The following COX5A variants were observed in gnomAD, a reference collection of about 807,000 sequenced individuals.
The protein encoded by COX5A is cytochrome c oxidase subunit 5A.
Under a neutral mutation model 16.1 loss-of-function variants are expected in COX5A, and 6 were observed. The observed-to-expected ratio is 0.37, with a 90% CI of 0.20 to 0.73. The LOEUF is 0.73. Ranked by LOEUF, COX5A falls within the 30% of genes least tolerant of loss-of-function variation. The pLI is 0.50. For missense variants in COX5A, 159 were observed against 194.9 expected, an observed-to-expected ratio of 0.82 and a Z score of 1.10; for synonymous variants, 73 against 73.8, an observed-to-expected ratio of 0.99 and a Z score of 0.06.
chr15:74,926,799 A>C lies in COX5A; in HGVS notation c.306T>G (p.Phe102Leu). The stretch of plus-strand genomic sequence containing the variant: ...CCTCTAGGATACGAACTGTACTAGC[A>C]AAATCATTTAACCGTCTGCATGCCC... ...ALRACRRLND[F>L]ASTVRILEVV... Residue 102 changes from phenylalanine to leucine, a missense_variant, in exon 3 of 5, where the codon TTT becomes TTG. Physicochemically the swap from Phe to Leu is conservative, Grantham distance 22 (BLOSUM62 0). Transcript: ENST00000322347. 1 of 1,613,988 alleles carries C rather than the reference A, an allele frequency of 6.2e-7. No homozygotes were observed.
chr15:74,937,001 T>G (rs893196152), intron 1 of COX5A, among the ~76,000 whole-genome samples: 3 of 152,164 alleles, frequency 2.0e-5, no homozygotes, highest in African/African-American at 7.2e-5. Context: ...TAAATACGCA[T>G]GCATAGTTGC....
At chr15:74,937,815 G>A (rs573368369) in intron 1 of COX5A, 100 bp downstream of exon 1, 11 of 727,538 alleles carry the variant, frequency 1.5e-5, no homozygotes, top group South Asian at 1.4e-4. Context: ...CCAGGGTAGG[G>A]CAAGGGCTAG....
At chr15:74,935,754 G>A (rs1412669341) in intron 1 of COX5A, among the ~76,000 whole-genome samples, 2 of 151,462 alleles carry the variant, frequency 1.3e-5, no homozygotes, top group African/African-American at 4.8e-5. Context: ...CACCACACCC[G>A]GCTAATTTTT....
chr15:74,926,627 A>G (rs1289349464), intron 3 of COX5A, 139 bp downstream of exon 3: 1 of 788,638 alleles, frequency 1.3e-6, no homozygotes, highest in African/African-American at 1.8e-5. Flanking sequence ...GAAAGATTTT[A>G]ACTGCAATGT....
In COX5A at chr15:74,920,176, C is replaced by T; in HGVS notation, c.*276G>A. 1 of 526,450 alleles carries T rather than the reference C, an allele frequency of 1.9e-6. No individual in the cohort carries two copies. Among genetic ancestry groups the T allele is most frequent in the Non-Finnish European group, 3.3e-6 (1 of 306,160 alleles). 32.6% of individuals were successfully genotyped at this position (526,450 alleles called of 1,614,324 possible). A position where few individuals can be genotyped will look rare whatever the true frequency, so the allele number is the denominator to read the frequency against. On this transcript the variant is annotated 3_prime_UTR_variant, in exon 5 of 5. Coordinates refer to ENST00000322347, the MANE Select transcript of COX5A (RefSeq NM_004255.4). Reference sequence around the variant, plus strand: ...TGTCAGATGGTTTCCAGAGAATTAACACAGTTCTCTCAGCATGTAAGAGGG... The same window carrying T: ...TGTCAGATGGTTTCCAGAGAATTAATACAGTTCTCTCAGCATGTAAGAGGG...
intron 3 of COX5A, among the ~76,000 whole-genome samples, chr15:74,924,637 T>TA (rs564791773): frequency 1.5e-3 from 229 of 152,358 alleles, no homozygotes; most frequent in African/African-American, 5.3e-3. Context: ...CAGAACATCT[T>TA]AAAGTCTAGA....
At chr15:74,928,655 G>C (rs1014293859) in intron 2 of COX5A, among the ~76,000 whole-genome samples, 4 of 152,212 alleles carry the variant, frequency 2.6e-5, no homozygotes, top group Non-Finnish European at 5.9e-5. Flanking sequence ...AAAGTGCTGG[G>C]ATTACAGGCG....
At chr15:74,928,387 T>TC (rs557819608) in intron 2 of COX5A, among the ~76,000 whole-genome samples, 227 of 151,984 alleles carry the variant, frequency 1.5e-3, no homozygotes, top group African/African-American at 5.3e-3. Context: ...TTGTGTAAAT[T>TC]CTTTTTTTTT....
At chr15:74,930,700 A>G (rs1386652695) in intron 1 of COX5A, among the ~76,000 whole-genome samples, 2 of 149,318 alleles carry the variant, frequency 1.3e-5, no homozygotes, top group Non-Finnish European at 3.0e-5. Flanking sequence ...ATAAACTTAT[A>G]TACTTCATTC....
intron 4 of COX5A, among the ~76,000 whole-genome samples, chr15:74,922,707 C>T (rs1336118476): frequency 1.3e-5 from 2 of 150,286 alleles, no homozygotes; most frequent in East Asian, 2.0e-4. Context: ...ACTCTGTCAC[C>T]CAGGCTGGAG....
At chr15:74,920,720 G>A (rs2065315965) in intron 4 of COX5A, among the ~76,000 whole-genome samples, 1 of 152,174 alleles carries the variant, frequency 6.6e-6, no homozygotes, top group Non-Finnish European at 1.5e-5. Context: ...ACTCATGCCT[G>A]TAACGCTAGC....
Position 74,938,059 on chromosome 15 carries a change from G to A in COX5A, c.-45C>T. 8.4e-7 allele frequency: 1 copy of A among 1,188,230 alleles called. No individual in the cohort carries two copies. Among genetic ancestry groups the A allele is most frequent in the Non-Finnish European group, 1.1e-6 (1 of 949,682 alleles). The allele number at this position is 1,188,230 out of a possible 1,614,324, so 73.6% of individuals were successfully genotyped here. A position where few individuals can be genotyped will look rare whatever the true frequency, so the allele number is the denominator to read the frequency against. On this transcript the variant is annotated 5_prime_UTR_variant, in exon 1 of 5. Transcript: ENST00000322347. Reference sequence around the variant, plus strand: ...GGGCTGAGGACAGAGAGAAGCCGGTGTAAGCTCGCGGGTTGCTCCGGAGCG... The same window carrying A: ...GGGCTGAGGACAGAGAGAAGCCGGTATAAGCTCGCGGGTTGCTCCGGAGCG...
intron 1 of COX5A, among the ~76,000 whole-genome samples, chr15:74,933,421 ATCT>A (rs2065375550): frequency 1.7e-5 from 1 of 57,714 alleles, no homozygotes; most frequent in Non-Finnish European, 3.0e-5. Context: ...AAAAAAAAAT[ATCT>A]ATCTATCTAT....
intron 1 of COX5A, among the ~76,000 whole-genome samples, chr15:74,931,942 G>A (rs2065369394): frequency 6.6e-6 from 1 of 152,188 alleles, no homozygotes; most frequent in Non-Finnish European, 1.5e-5. Context: ...CAGGTAGGGG[G>A]ATAGGCGGAG....
At chr15:74,924,334 C>T (rs1165071867) in intron 3 of COX5A, among the ~76,000 whole-genome samples, 1 of 151,860 alleles carries the variant, frequency 6.6e-6, no homozygotes, top group Non-Finnish European at 1.5e-5. Context: ...GTCAGGAGTT[C>T]GAGACCATCC....
intron 3 of COX5A, among the ~76,000 whole-genome samples, chr15:74,925,048 C>T (rs549436563): frequency 4.6e-5 from 7 of 152,074 alleles, no homozygotes; most frequent in Non-Finnish European, 7.4e-5. Flanking sequence ...GCCGGCCGGG[C>T]GTGGTGGCTC....
At chr15:74,926,414 G>A (rs1365300794) in intron 3 of COX5A, among the ~76,000 whole-genome samples, 1 of 150,476 alleles carries the variant, frequency 6.6e-6, no homozygotes, top group East Asian at 2.0e-4. Context: ...GACATTGCAT[G>A]ATCCACCCGC....
intron 3 of COX5A, among the ~76,000 whole-genome samples, chr15:74,924,389 T>G (rs2065334548): frequency 6.6e-6 from 1 of 151,286 alleles, no homozygotes; most frequent in Non-Finnish European, 1.5e-5. Context: ...ATACAAAAAT[T>G]TGCTGGGTGT....
chr15:74,924,105 C>T (rs1008115883), intron 3 of COX5A, among the ~76,000 whole-genome samples: 3 of 151,980 alleles, frequency 2.0e-5, no homozygotes, highest in East Asian at 1.9e-4. Context: ...GGCTTGAACC[C>T]GGGAAGCGGA....
Sources: allele counts gnomAD v4.1 joint callset (sites outside exome capture counted in the v4.1 genomes callset), GRCh38; gene constraint gnomAD v4.1.1; transcripts MANE v1.5; gene names NCBI Gene and HGNC (gene_info 2026-07-23, HGNC 2026-07-21).